Variants in AHRR observed in about 807,000 individuals in gnomAD.
AHRR encodes the protein aryl hydrocarbon receptor repressor.
Under a neutral mutation model 44.0 loss-of-function variants are expected in AHRR, and 28 were observed. The ratio of observed to expected loss-of-function variants is 0.64; its 90% CI spans 0.47 to 0.87. AHRR has a LOEUF of 0.87. AHRR is among the 40% of genes least tolerant of loss of function. The probability of loss-of-function intolerance (pLI) is 0.00; values close to 1 mark genes in which losing one functional copy is unlikely to be tolerated. For synonymous variants in AHRR, 434 were observed against 407.0 expected, an observed-to-expected ratio of 1.07 and a Z score of -0.80; for missense variants, 990 against 953.9, an observed-to-expected ratio of 1.04 and a Z score of -0.50.
At chr5:369,981 G>C (rs926320591) in intron 3 of AHRR, among the ~76,000 whole-genome samples, 2 of 152,378 alleles carry the variant, frequency 1.3e-5, no homozygotes, top group African/African-American at 4.8e-5. Flanking sequence ...TGGGGTGTGA[G>C]AGCAGGGGTC....
chr5:421,148 CCCCGCCTGGGAGGCCGCTCTGGCG>C lies in AHRR; in HGVS notation c.442-1576_442-1553del, dbSNP rs1736092545. 1.2e-5 allele frequency: 7 copies of C among 570,622 alleles called. No individual in the cohort carries two copies. The Admixed American group carries it at 1.9e-4, about 16-fold the overall frequency. The allele number at this position is 570,622 out of a possible 1,614,324, so 35.3% of individuals were successfully genotyped here. On this transcript the variant is annotated intron_variant, in intron 5 of 10. Coordinates refer to ENST00000684583, the MANE Select transcript of AHRR (RefSeq NM_001377236.1). Reference sequence around the variant, plus strand: ...CGCGCCTTAACTGGAAGAGGAGCCGCCCCGCCTGGGAGGCCGCTCTGGCGCCCGGCTGGTGCCGGGCAGGAGGCC... The same window carrying C: ...CGCGCCTTAACTGGAAGAGGAGCCGCCCCGGCTGGTGCCGGGCAGGAGGCC...
chr5:420,050 C>T (rs778929133), intron 5 of AHRR, among the ~76,000 whole-genome samples: 7 of 152,186 alleles, frequency 4.6e-5, no homozygotes, highest in Non-Finnish European at 8.8e-5. Context: ...TTTGGAAACA[C>T]GAGGTGACGC....
At chr5:372,984 G>A (rs983301933) in intron 3 of AHRR, among the ~76,000 whole-genome samples, 1 of 152,260 alleles carries the variant, frequency 6.6e-6, no homozygotes, top group Admixed American at 6.5e-5. Context: ...TCCAGCCCTT[G>A]CTGTGGGCAC....
chr5:408,729 A>G (rs985391206), intron 4 of AHRR, among the ~76,000 whole-genome samples: 2 of 152,144 alleles, frequency 1.3e-5, no homozygotes, highest in African/African-American at 2.4e-5. Flanking sequence ...TTCACTTTCT[A>G]TGCTCTGGAA....
Position 433,971 on chromosome 5 carries a change from G to A in AHRR, c.1231G>A (p.Gly411Ser). The A allele has an allele frequency of 1.3e-6, 2 of 1,561,988 alleles. No individual in the cohort carries two copies. The highest frequency in any genetic ancestry group is 1.7e-6 in the Non-Finnish European group (2 of 1,154,024). The change falls in exon 11 of 11, where the codon GGT becomes AGT. Residue 411 changes from glycine (G) to serine (S), a missense_variant. Transcript: ENST00000684583. Reference sequence around the variant, plus strand: ...GACAGCGGGAAAGCACAGTGAGGATGGTGCCAGGCCGAGGCTGCAGCCCAG... The same window carrying A: ...GACAGCGGGAAAGCACAGTGAGGATAGTGCCAGGCCGAGGCTGCAGCCCAG... The part of the protein sequence containing the change: ...PWTAGKHSED[G>S]ARPRLQPSKN...
rs1735482502 is a variant in AHRR, at chr5:411,949, C to T, written c.352-1395C>T. Among the ~76,000 whole-genome samples the T allele has an allele frequency of 6.6e-6, 1 of 152,194 alleles. No individual in the cohort carries two copies. The highest frequency in any genetic ancestry group is 1.5e-5 in the Non-Finnish European group (1 of 68,040). On this transcript the variant is annotated intron_variant, in intron 4 of 10. Coordinates refer to ENST00000684583, the MANE Select transcript of AHRR (RefSeq NM_001377236.1). The surrounding 1 kb of genome is among the most constrained non-coding windows in gnomAD (Gnocchi z 4.2). ...CCTGTGCTTGCTCAGCGTCAGTGGCCATTGCTGCCATGGACAGATCCTGCG... is the reference window on the plus strand; with the variant it reads ...CCTGTGCTTGCTCAGCGTCAGTGGCTATTGCTGCCATGGACAGATCCTGCG...
At chr5:391,379 C>T (rs1317485827) in intron 4 of AHRR, among the ~76,000 whole-genome samples, 2 of 108,294 alleles carry the variant, frequency 1.8e-5, no homozygotes, top group African/African-American at 1.1e-4. Flanking sequence ...TGCATGGGCG[C>T]AGGGCGAGGA....
intron 1 of AHRR, among the ~76,000 whole-genome samples, chr5:325,221 T>C (rs555983329): frequency 6.6e-6 from 1 of 152,354 alleles, no homozygotes; most frequent in Non-Finnish European, 1.5e-5. Flanking sequence ...CCTGTGGCTC[T>C]GCACTCATTT....
At position 388,850 on chromosome 5, in the gene AHRR, C is replaced by A. The variant is rs1284620800; in HGVS notation, c.351+12134C>A. On this transcript the variant is annotated intron_variant, in intron 4 of 10. Transcript: ENST00000684583. The surrounding 1 kb of genome is among the most constrained non-coding windows in gnomAD (Gnocchi z 5.2). The stretch of plus-strand genomic sequence containing the variant: ...CTGGCAGGAGGACAGTGTGGCTGGG[C>A]CAGATGCCTGAGGACACAATGCTCA... 6.6e-6 allele frequency among the ~76,000 whole-genome samples: 1 copy of A among 152,180 alleles called. No individual in the cohort carries two copies. Among genetic ancestry groups the A allele is most frequent in the Non-Finnish European group, 1.5e-5 (1 of 68,024 alleles).
At chr5:344,880 G>T (rs1347906505) in intron 2 of AHRR, among the ~76,000 whole-genome samples, 5 of 134,470 alleles carry the variant, frequency 3.7e-5, no homozygotes, top group African/African-American at 6.0e-5. Flanking sequence ...GTGTGCAGGT[G>T]TGCGAAGCTG....
At chr5:322,579 C>G (rs1741535444) in intron 1 of AHRR, 1 of 152,148 alleles carries the variant, frequency 6.6e-6, no homozygotes, top group Admixed American at 6.5e-5. Flanking sequence ...CGTGTGCGCG[C>G]GTTCTCCAAA....
rs1392821987 is a variant in AHRR, at chr5:338,840, T to C, written c.-10-5053T>C. Among the ~76,000 whole-genome samples, 5 of 152,226 alleles carry C rather than the reference T, an allele frequency of 3.3e-5. No homozygotes were observed. The highest frequency in any genetic ancestry group is 1.2e-4 in the African/African-American group (5 of 41,460). ...CATTACATTTGGAAAAAATTTCTGC[T>C]GTTTCTTACATTTTCTCCTAACTCC... On this transcript the variant is annotated intron_variant, in intron 1 of 10. Coordinates refer to ENST00000684583, the MANE Select transcript of AHRR (RefSeq NM_001377236.1). The surrounding 1 kb of genome is among the most constrained non-coding windows in gnomAD (Gnocchi z 4.1).
chr5:431,385 A>T (rs1269855276), intron 8 of AHRR, among the ~76,000 whole-genome samples: 1 of 152,196 alleles, frequency 6.6e-6, no homozygotes, highest in African/African-American at 2.4e-5. Flanking sequence ...AAACTTGCCA[A>T]ACCAAGAATA....
chr5:371,985 C>T (rs970733760), intron 3 of AHRR, among the ~76,000 whole-genome samples: 2 of 152,210 alleles, frequency 1.3e-5, no homozygotes, highest in Non-Finnish European at 2.9e-5. Context: ...CAGGCCCCGC[C>T]GAGGGCTCTG....
At chr5:423,477 G>A (rs571633943) in intron 6 of AHRR, among the ~76,000 whole-genome samples, 78 of 152,256 alleles carry the variant, frequency 5.1e-4, no homozygotes, top group African/African-American at 1.8e-3. Flanking sequence ...GGGTTCTCTC[G>A]CACGTATCCG....
In AHRR at chr5:436,319, G is replaced by A. The variant is rs1737063314; in HGVS notation, c.*1485G>A. 1 of 150,900 alleles carries A rather than the reference G, an allele frequency of 6.6e-6. No homozygotes were observed. Among genetic ancestry groups the A allele is most frequent in the Non-Finnish European group, 1.5e-5 (1 of 68,060 alleles). The allele number at this position is 150,900 out of a possible 1,614,324, so 9.3% of individuals were successfully genotyped here. A position where few individuals can be genotyped will look rare whatever the true frequency, so the allele number is the denominator to read the frequency against. ...CACTGTGCATTCTGCCTCCTGTGTG[G>A]ACGCCCTCTCTGTTGTCAGTGGCTT... is the stretch of plus-strand genomic sequence containing the variant. On this transcript the variant is annotated 3_prime_UTR_variant, in exon 11 of 11. Coordinates refer to ENST00000684583, the MANE Select transcript of AHRR (RefSeq NM_001377236.1).
intron 5 of AHRR, among the ~76,000 whole-genome samples, chr5:416,886 G>A (rs1735841947): frequency 1.3e-5 from 2 of 152,104 alleles, no homozygotes; most frequent in Admixed American, 1.3e-4. Context: ...AGAGAAGGTG[G>A]CTTGGTCCAT....
rs145239859 is a variant in AHRR, at chr5:376,532, C to T, written c.245-78C>T. ...GAACCGTGGGGTGAACGCGGGGAAA[C>T]ACAGGAAAGATGTGAATGAAGAAGA... On this transcript the variant is annotated intron_variant, in intron 3 of 10. Coordinates refer to ENST00000684583, the MANE Select transcript of AHRR (RefSeq NM_001377236.1). 1,738 of 1,458,328 alleles carry T rather than the reference C, an allele frequency of 1.2e-3. 15 individuals carry two copies. The African/African-American group carries it at 0.022, about 19-fold the overall frequency. 90.3% of individuals were successfully genotyped at this position (1,458,328 alleles called of 1,614,324 possible). A position where few individuals can be genotyped will look rare whatever the true frequency, so the allele number is the denominator to read the frequency against.
chr5:430,048 G>A (rs369043156), intron 8 of AHRR, among the ~76,000 whole-genome samples: 1 of 152,214 alleles, frequency 6.6e-6, no homozygotes, highest in African/African-American at 2.4e-5. Context: ...CGGAGCAGAC[G>A]TCCCCGCCCT....
Sources: allele counts gnomAD v4.1 joint callset (sites outside exome capture counted in the v4.1 genomes callset), GRCh38; gene constraint gnomAD v4.1.1; non-coding constraint Gnocchi (gnomAD v3.1); transcripts MANE v1.5; gene names NCBI Gene and HGNC (gene_info 2026-07-23, HGNC 2026-07-21).